The following PEBP4 variants were observed in gnomAD, a reference collection of about 807,000 sequenced individuals.
PEBP4 encodes the protein phosphatidylethanolamine-binding protein 4.
In PEBP4, 22 loss-of-function variants were observed where a neutral mutation model predicts 23.9. That is an observed-to-expected ratio of 0.92 (90% CI 0.66 to 1.31). The LOEUF (loss-of-function observed/expected upper bound fraction) is 1.31. PEBP4 is among the 40% of genes most tolerant of loss of function. The pLI is 0.00. For synonymous variants in PEBP4, 112 were observed against 99.3 expected (o/e 1.13, Z -0.76); for missense variants, 324 against 281.7 (o/e 1.15, Z -1.07).
chr8:22,927,444 T>A (rs1254629007), intron 2 of PEBP4, 140 bp downstream of exon 2: 4 of 1,044,212 alleles, frequency 3.8e-6, no homozygotes, highest in Middle Eastern at 2.9e-4. Context: ...CAAGGTGGTC[T>A]CCAGATCTGA....
chr8:22,713,459 T>A lies in PEBP4; in HGVS notation c.595A>T (p.Asn199Tyr). 6.2e-7 allele frequency: 1 copy of A among 1,614,098 alleles called. No homozygotes were observed. The highest frequency in any genetic ancestry group is 8.5e-7 in the Non-Finnish European group (1 of 1,180,006). The part of the protein sequence containing the change: ...PEASTQFMTQ[N>Y]YQDSPTLQAP... ...TGGAGGGTTGGTGAGTCCTGGTAGT[T>A]CTGGGTCATGAACTGGGTGCTTGCT... The change falls in exon 7 of 7, where the codon AAC becomes TAC. Residue 199 changes from asparagine (N) to tyrosine (Y), a missense_variant. Transcript: ENST00000256404.
At chr8:22,766,559 C>T (rs927061565) in intron 4 of PEBP4, among the ~76,000 whole-genome samples, 20 of 152,182 alleles carry the variant, frequency 1.3e-4, no homozygotes, top group Admixed American at 3.9e-4. Flanking sequence ...ACCTGTGCAC[C>T]ACATCTCTGC....
intron 4 of PEBP4, among the ~76,000 whole-genome samples, chr8:22,814,058 A>G (rs984622926): frequency 3.3e-5 from 5 of 152,250 alleles, no homozygotes; most frequent in African/African-American, 1.2e-4. Flanking sequence ...GCAAGTAATG[A>G]TGTAGAGTTT....
chr8:22,813,915 C>T (rs1176939107), intron 4 of PEBP4, among the ~76,000 whole-genome samples: 1 of 152,220 alleles, frequency 6.6e-6, no homozygotes, highest in Non-Finnish European at 1.5e-5. Context: ...GTAATACCAC[C>T]ACTGTGCTGC....
At chr8:22,882,618 C>A (rs927838066) in intron 3 of PEBP4, among the ~76,000 whole-genome samples, 8 of 152,320 alleles carry the variant, frequency 5.3e-5, no homozygotes, top group Non-Finnish European at 1.0e-4. Flanking sequence ...TTAATCGTGT[C>A]TTTTTATTCT....
At chr8:22,744,683 T>A (rs1031262381) in intron 4 of PEBP4, 1 of 152,220 alleles carries the variant, frequency 6.6e-6, no homozygotes, top group Admixed American at 6.5e-5. Flanking sequence ...AAGAGGAACA[T>A]TTAGAGAGGC....
chr8:22,862,582 A>G (rs984262686), intron 3 of PEBP4, among the ~76,000 whole-genome samples: 7 of 152,182 alleles, frequency 4.6e-5, no homozygotes, highest in Non-Finnish European at 7.3e-5. Flanking sequence ...AGTAATTACC[A>G]TTTATTGAGC....
At chr8:22,790,765 C>T (rs1172353337) in intron 4 of PEBP4, among the ~76,000 whole-genome samples, 2 of 152,148 alleles carry the variant, frequency 1.3e-5, no homozygotes, top group African/African-American at 2.4e-5. Context: ...CTGTTACTGT[C>T]AGTGTAGTTG....
chr8:22,723,656 C>T (rs1384291483), intron 6 of PEBP4, among the ~76,000 whole-genome samples: 3 of 152,238 alleles, frequency 2.0e-5, no homozygotes, highest in Non-Finnish European at 2.9e-5. Context: ...GTTTCCTTCT[C>T]TCTGCATCTA....
chr8:22,844,878 C>G (rs751936477), intron 3 of PEBP4, among the ~76,000 whole-genome samples: 11 of 152,156 alleles, frequency 7.2e-5, no homozygotes, highest in Non-Finnish European at 1.2e-4. Flanking sequence ...GCAGCCAACC[C>G]ATAAGCTAGC....
At chr8:22,791,877 G>A (rs74780320) in intron 4 of PEBP4, among the ~76,000 whole-genome samples, 2 of 150,014 alleles carry the variant, frequency 1.3e-5, no homozygotes, top group African/African-American at 4.9e-5. Context: ...TTTTTTTTTA[G>A]ACAGGGTCTC....
intron 3 of PEBP4, among the ~76,000 whole-genome samples, chr8:22,903,552 G>A (rs538690800): frequency 5.3e-5 from 8 of 152,318 alleles, no homozygotes; most frequent in African/African-American, 1.9e-4. Context: ...GGGAGTGCGT[G>A]AAGGGTTAAA....
intron 3 of PEBP4, among the ~76,000 whole-genome samples, chr8:22,818,522 T>C (rs954310630): frequency 2.0e-5 from 3 of 151,906 alleles, no homozygotes; most frequent in African/African-American, 7.3e-5. Context: ...ACATGGCAGG[T>C]GCAGGGGAGG....
At chr8:22,913,221 T>C (rs1808985119) in intron 3 of PEBP4, among the ~76,000 whole-genome samples, 1 of 152,116 alleles carries the variant, frequency 6.6e-6, no homozygotes, top group South Asian at 2.1e-4. Flanking sequence ...CCCCTTACCC[T>C]GTCCTGACTT....
At chr8:22,887,382 C>G (rs1293531372) in intron 3 of PEBP4, 1 of 151,936 alleles carries the variant, frequency 6.6e-6, no homozygotes, top group African/African-American at 2.4e-5. Context: ...CTCCTGTCCT[C>G]AGGTGATCTG....
rs369314012 is a variant in PEBP4 at position 22,769,200 on chromosome 8, C to T, written c.358-41980G>A. On this transcript the variant is annotated intron_variant, in intron 4 of 6. Transcript: ENST00000256404. ...GCCCCTCAGTGCCCCCTCAGCCTCA[C>T]GCTCCCTGGGCACGCCATTGAGGTT... Among the ~76,000 whole-genome samples, 48 of 152,362 alleles carry T rather than the reference C, an allele frequency of 3.2e-4. No individual in the cohort carries two copies. The East Asian group carries it at 4.4e-3, about 14-fold the overall frequency.
intron 4 of PEBP4, among the ~76,000 whole-genome samples, chr8:22,783,800 T>C (rs759986528): frequency 4.6e-5 from 7 of 152,156 alleles, no homozygotes; most frequent in Non-Finnish European, 1.0e-4. Context: ...GCCCAGCTAA[T>C]GTTTTGTATT....
intron 3 of PEBP4, chr8:22,880,572 A>AT (rs1377409181): frequency 6.6e-6 from 1 of 152,218 alleles, no homozygotes; most frequent in African/African-American, 2.4e-5. Context: ...CCGGATCTCC[A>AT]TCCCTTCACT....
intron 4 of PEBP4, among the ~76,000 whole-genome samples, chr8:22,788,487 C>T (rs1270694575): frequency 6.6e-6 from 1 of 152,152 alleles, no homozygotes; most frequent in African/African-American, 2.4e-5. Flanking sequence ...GGCTGGGGCA[C>T]AAGCAGGGTC....
Sources: allele counts gnomAD v4.1 joint callset (sites outside exome capture counted in the v4.1 genomes callset), GRCh38; gene constraint gnomAD v4.1.1; transcripts MANE v1.5; gene names NCBI Gene and HGNC (gene_info 2026-07-23, HGNC 2026-07-21).